Variants in OAS3 observed in about 807,000 individuals in gnomAD.
OAS3 encodes 2'-5'-oligoadenylate synthetase 3.
In OAS3, 107 loss-of-function variants were observed where a neutral mutation model predicts 113.0. The observed-to-expected ratio is 0.95, with a 90% CI of 0.81 to 1.11. OAS3 has a LOEUF of 1.11. Ranked by LOEUF, OAS3 falls within the 50% of genes most tolerant of loss-of-function variation. OAS3 has a pLI of 0.00. For synonymous variants in OAS3, 552 were observed against 573.6 expected (o/e 0.96, Z 0.54); for missense variants, 1,258 against 1,389.1 (o/e 0.91, Z 1.50).
intron 1 of OAS3, among the ~76,000 whole-genome samples, chr12:112,939,699 C>T (rs1028532837): frequency 6.6e-6 from 1 of 152,120 alleles, no homozygotes; most frequent in African/African-American, 2.4e-5. Context: ...TTAAATACAG[C>T]CACACTGCCA....
intron 7 of OAS3, among the ~76,000 whole-genome samples, chr12:112,951,767 C>T (rs769690810): frequency 7.7e-5 from 11 of 143,318 alleles, no homozygotes; most frequent in Admixed American, 3.8e-4. Context: ...AAGGCCAATG[C>T]GGGCAGGTCA....
At chr12:112,966,759 A>G (rs1249249830) in intron 12 of OAS3, among the ~76,000 whole-genome samples, 1 of 152,160 alleles carries the variant, frequency 6.6e-6, no homozygotes, top group African/African-American at 2.4e-5. Flanking sequence ...CTCCAGCCCC[A>G]GCGTCCTGAG....
In OAS3 at chr12:112,970,138, A is replaced by C; in HGVS notation, c.*165A>C. The C allele has an allele frequency of 1.3e-6, 1 of 787,226 alleles. No homozygotes were observed. The highest frequency in any genetic ancestry group is 2.1e-5 in the Admixed American group (1 of 47,116). 48.8% of individuals were successfully genotyped at this position (787,226 alleles called of 1,614,324 possible). A position where few individuals can be genotyped will look rare whatever the true frequency, so the allele number is the denominator to read the frequency against. On this transcript the variant is annotated 3_prime_UTR_variant, in exon 16 of 16. Coordinates refer to ENST00000228928, the MANE Select transcript of OAS3 (RefSeq NM_006187.4). ...CGTGTGCATGTGTGTGTTTTAGTGA[A>C]TCTGCTCTCCCAGCTCACACACTCC...
intron 12 of OAS3, 22 bp from the exon 13 acceptor site, chr12:112,967,396 G>C (rs560774178): frequency 6.2e-7 from 1 of 1,601,460 alleles, no homozygotes; most frequent in Admixed American, 1.7e-5. Flanking sequence ...CGGAGTGATG[G>C]TAACCATCTC....
chr12:112,950,700 C>T lies in OAS3; in HGVS notation c.1382C>T (p.Ser461Leu). 6.2e-7 allele frequency: 1 copy of T among 1,613,954 alleles called. No homozygotes were observed. Among genetic ancestry groups the T allele is most frequent in the Non-Finnish European group, 8.5e-7 (1 of 1,179,864 alleles). ...CTGTTCTTCCCTCCACAGGGGGGCT[C>T]ATTTGGCCGGGGCACAGACCTAAGG... ...HKASRVSKGG[S>L]FGRGTDLRDG... The change falls in exon 7 of 16, where the codon TCA becomes TTA. Residue 461 changes from serine to leucine, a missense_variant. Transcript: ENST00000228928.
chr12:112,944,378 ACT>A, intron 2 of OAS3, 96 bp from the exon 3 acceptor site: 1 of 1,313,810 alleles, frequency 7.6e-7, no homozygotes, highest in Non-Finnish European at 1.1e-6. Context: ...AATTCTTCCC[ACT>A]CTCTCTCAGC....
In OAS3 at chr12:112,968,020, G is replaced by A. The variant is rs374768377; in HGVS notation, c.2950G>A (p.Gly984Arg). The A allele has an allele frequency of 5.8e-5, 94 of 1,614,006 alleles. No homozygotes were observed. The East Asian group carries it at 1.4e-3, about 25-fold the overall frequency. The change falls in exon 14 of 16, where the codon GGG (glycine) becomes AGG (arginine). Residue 984 changes from glycine to arginine, a missense_variant. Physicochemically the swap from Gly to Arg is moderately radical, Grantham distance 125 (BLOSUM62 -2). Transcript: ENST00000228928. ...GACTGTGTATGCCTGGGAGCAGGGC[G>A]GGAAGGACTCCCAGTTCAACATGGC... ...LLTVYAWEQG[G>R]KDSQFNMAEG...
rs1593175589 is a variant in OAS3, at chr12:112,946,758, T to C, written c.652T>C (p.Leu218=). ...HWYHQVCLQG[L]WKETLPPVYA... Reference sequence around the variant, plus strand: ...CCTCTCACAGGTGTGCCTACAGGGGTTGTGGAAGGAGACGCTGCCCCCGGT... The same window carrying C: ...CCTCTCACAGGTGTGCCTACAGGGGCTGTGGAAGGAGACGCTGCCCCCGGT... Residue 218 remains leucine (L), a synonymous_variant, in exon 4 of 16, where the codon TTG becomes CTG. Coordinates refer to ENST00000228928, the MANE Select transcript of OAS3 (RefSeq NM_006187.4). 1 of 1,610,270 alleles carries C rather than the reference T, an allele frequency of 6.2e-7. No individual in the cohort carries two copies. Among genetic ancestry groups the C allele is most frequent in the East Asian group, 2.2e-5 (1 of 44,788 alleles).
At chr12:112,969,355 T>C in intron 14 of OAS3, 1 of 526,962 alleles carries the variant, frequency 1.9e-6, no homozygotes, top group Non-Finnish European at 3.4e-6. Flanking sequence ...ATGCCTCCCC[T>C]GAATAAGGAA....
At chr12:112,942,234 A>G (rs1436654629) in intron 2 of OAS3, 1 of 450,620 alleles carries the variant, frequency 2.2e-6, no homozygotes, top group Admixed American at 3.7e-5. Flanking sequence ...CTTGTATTTT[A>G]TGTTGAAAAC....
At chr12:112,957,391 G>A (rs1365518546) in intron 7 of OAS3, among the ~76,000 whole-genome samples, 2 of 152,162 alleles carry the variant, frequency 1.3e-5, no homozygotes, top group Non-Finnish European at 2.9e-5. Context: ...ATGTTGGCTG[G>A]TTATTTTGCT....
chr12:112,960,521 C>T (rs1394162532), intron 7 of OAS3, among the ~76,000 whole-genome samples: 1 of 152,122 alleles, frequency 6.6e-6, no homozygotes, highest in Non-Finnish European at 1.5e-5. Flanking sequence ...TGGAAGATAA[C>T]GTTAATAATA....
chr12:112,946,208 G>T (rs2043727122), intron 3 of OAS3, among the ~76,000 whole-genome samples: 1 of 152,144 alleles, frequency 6.6e-6, no homozygotes, highest in African/African-American at 2.4e-5. Context: ...TTACCCAGAG[G>T]CCTGGGATTC....
At chr12:112,950,232 T>A (rs2043776373) in intron 6 of OAS3, among the ~76,000 whole-genome samples, 1 of 151,986 alleles carries the variant, frequency 6.6e-6, no homozygotes, top group Non-Finnish European at 1.5e-5. Context: ...AGCACTTACA[T>A]GTATCGGATA....
chr12:112,969,130 C>T (rs1193274066), intron 14 of OAS3, among the ~76,000 whole-genome samples: 2 of 151,930 alleles, frequency 1.3e-5, no homozygotes, highest in African/African-American at 2.4e-5. Context: ...GCTTTTTGAC[C>T]ACCAAAAAAT....
At chr12:112,962,950 C>A in intron 9 of OAS3, 48 bp downstream of exon 9, 1 of 1,604,170 alleles carries the variant, frequency 6.2e-7, no homozygotes. Context: ...TCCCCCTCCC[C>A]ACTGTCACCC....
At position 112,964,309 on chromosome 12, in the gene OAS3, G is replaced by C; in HGVS notation, c.2304G>C (p.Gln768His). Residue 768 changes from glutamine to histidine, a missense_variant, in exon 11 of 16, where the codon CAG becomes CAC. Gln to His is a conservative substitution (Grantham distance 24, BLOSUM62 0). Transcript: ENST00000228928. ...FISEFLQPNR[Q>H]FLAQVNKAVD... ...GTGAATTTCTCCAGCCCAACCGCCA[G>C]TTCCTGGCCCAGGTGAACAAGGCCG... The C allele has an allele frequency of 1.9e-6, 3 of 1,609,952 alleles. No homozygotes were observed. Among genetic ancestry groups the C allele is most frequent in the South Asian group, 2.2e-5 (2 of 89,752 alleles).
At position 112,949,109 on chromosome 12, in the gene OAS3, G is replaced by T; in HGVS notation, c.1278G>T (p.Pro426=). The change falls in exon 6 of 16, where the codon CCG becomes CCT. Residue 426 remains proline, a synonymous_variant. Coordinates refer to ENST00000228928, the MANE Select transcript of OAS3 (RefSeq NM_006187.4). ...GCTTCATCCAGGACCACCTGAAGCC[G>T]AGCCCCCAGTTCCAGGAGCAGGTGA... ...LDRFIQDHLK[P]SPQFQEQVKK... The T allele has an allele frequency of 6.2e-7, 1 of 1,613,960 alleles. No individual in the cohort carries two copies. Among genetic ancestry groups the T allele is most frequent in the Non-Finnish European group, 8.5e-7 (1 of 1,179,894 alleles).
rs2136364681 is a variant in OAS3 at position 112,970,120 on chromosome 12, ATGTG to A, written c.*153_*156del. ...TGTGCATGTGTGTGCACACGTGTGC[ATGTG>A]TGTGTTTTAGTGAATCTGCTCTCCC... is the stretch of plus-strand genomic sequence containing the variant. On this transcript the variant is annotated 3_prime_UTR_variant, in exon 16 of 16. Transcript: ENST00000228928. 4 of 925,184 alleles carry A rather than the reference ATGTG, an allele frequency of 4.3e-6. No individual in the cohort carries two copies. In the South Asian group the frequency reaches 5.8e-5, roughly 13 times the overall value. The allele number at this position is 925,184 out of a possible 1,614,324, so 57.3% of individuals were successfully genotyped here. A position where few individuals can be genotyped will look rare whatever the true frequency, so the allele number is the denominator to read the frequency against.
Sources: allele counts gnomAD v4.1 joint callset (sites outside exome capture counted in the v4.1 genomes callset), GRCh38; gene constraint gnomAD v4.1.1; transcripts MANE v1.5; gene names NCBI Gene and HGNC (gene_info 2026-07-23, HGNC 2026-07-21).